Variants in PDGFD observed in about 807,000 individuals in gnomAD.
The protein encoded by PDGFD is platelet derived growth factor D.
Under a neutral mutation model 44.7 loss-of-function variants are expected in PDGFD, and 30 were observed. The ratio of observed to expected loss-of-function variants is 0.67; its 90% CI spans 0.50 to 0.91. The LOEUF (loss-of-function observed/expected upper bound fraction) is 0.91, where lower values mean the gene tolerates loss of function less well. Among genes scored for constraint, PDGFD ranks in the 40% least tolerant of loss-of-function variants. The probability of loss-of-function intolerance (pLI) is 0.00; values close to 1 mark genes in which losing one functional copy is unlikely to be tolerated. For synonymous variants in PDGFD, 173 were observed against 168.4 expected (o/e 1.03, Z -0.21); for missense variants, 445 against 457.8 (o/e 0.97, Z 0.25).
At chr11:104,012,549 T>C (rs1859799385) in intron 1 of PDGFD, among the ~76,000 whole-genome samples, 1 of 152,244 alleles carries the variant, frequency 6.6e-6, no homozygotes, top group African/African-American at 2.4e-5. Context: ...ACAAGCTTTT[T>C]GTTTTCTTGT....
intron 1 of PDGFD, among the ~76,000 whole-genome samples, chr11:104,009,222 T>C (rs1291316050): frequency 1.3e-5 from 2 of 151,988 alleles, no homozygotes; most frequent in African/African-American, 2.4e-5. Flanking sequence ...CTTTAAGAAG[T>C]TGTGACTCTG....
intron 1 of PDGFD, among the ~76,000 whole-genome samples, chr11:104,077,101 T>C (rs1565328020): frequency 6.6e-6 from 1 of 152,184 alleles, no homozygotes; most frequent in Non-Finnish European, 1.5e-5. Flanking sequence ...GATTTCTGAG[T>C]GCACGAGGGT....
chr11:103,977,824 T>C (rs1042067467), intron 3 of PDGFD, among the ~76,000 whole-genome samples: 3 of 152,082 alleles, frequency 2.0e-5, no homozygotes, highest in East Asian at 1.9e-4. Flanking sequence ...TGTACAGAGA[T>C]GCTTTTTCTT....
chr11:103,993,805 T>C (rs946630719), intron 3 of PDGFD, among the ~76,000 whole-genome samples: 1 of 152,202 alleles, frequency 6.6e-6, no homozygotes, highest in Non-Finnish European at 1.5e-5. Flanking sequence ...ACTTTGGCTT[T>C]AGTGGGCCAT....
chr11:104,003,718 T>C (rs1413404153), intron 1 of PDGFD, among the ~76,000 whole-genome samples: 1 of 152,140 alleles, frequency 6.6e-6, no homozygotes, highest in Non-Finnish European at 1.5e-5. Flanking sequence ...GGCTTTGGGG[T>C]TACAGAGCTA....
At chr11:104,056,595 G>A (rs887778812) in intron 1 of PDGFD, among the ~76,000 whole-genome samples, 2 of 152,088 alleles carry the variant, frequency 1.3e-5, no homozygotes, top group Non-Finnish European at 2.9e-5. Flanking sequence ...GGATTCCTGA[G>A]AGTTAGAAGC....
Position 104,031,245 on chromosome 11 carries a change from G to C in PDGFD, c.125-30990C>G, listed in dbSNP as rs373357795. On this transcript the variant is annotated intron_variant, in intron 1 of 6. Transcript: ENST00000393158. ...GAGAAATTGTGCAGTCTAAACATCTGACAAAGGTCTAATATCCAGGATCTA... is the reference window on the plus strand; with the variant it reads ...GAGAAATTGTGCAGTCTAAACATCTCACAAAGGTCTAATATCCAGGATCTA... Among the ~76,000 whole-genome samples, 27 of 152,224 alleles carry C rather than the reference G, an allele frequency of 1.8e-4. No individual in the cohort carries two copies. The South Asian group carries it at 5.6e-3, about 32-fold the overall frequency.
At chr11:104,108,634 A>T (rs1390118237) in intron 1 of PDGFD, among the ~76,000 whole-genome samples, 1 of 152,178 alleles carries the variant, frequency 6.6e-6, no homozygotes, top group Non-Finnish European at 1.5e-5. Context: ...ACTGTAGAAG[A>T]CAGTGTGGCG....
At position 104,037,182 on chromosome 11, in the gene PDGFD, C is replaced by T. The variant is rs371991540; in HGVS notation, c.125-36927G>A. On this transcript the variant is annotated intron_variant, in intron 1 of 6. Transcript: ENST00000393158. ...CTGGACAGCAGCAGCAGCGCACACC[C>T]GCTGCCCAGCGGTCACAGGGCTTGG... 11 of 1,613,504 alleles carry T rather than the reference C, an allele frequency of 6.8e-6. No individual in the cohort carries two copies. The Middle Eastern group carries it at 4.9e-4, about 72-fold the overall frequency.
rs143838569 is a variant in PDGFD at position 103,913,157 on chromosome 11, G to A, written c.988-3338C>T. Among the ~76,000 whole-genome samples the A allele has an allele frequency of 7.6e-5, 11 of 144,294 alleles. No individual in the cohort carries two copies. In the East Asian group the frequency reaches 2.1e-3, roughly 28 times the overall value. 94.7% of individuals were successfully genotyped at this position (144,294 alleles called of 152,430 possible). ...AGCTCTGGACCAAGCGGACCTAATA[G>A]ATATCTACAGAACTCCCCACCCCAA... is the stretch of plus-strand genomic sequence containing the variant. On this transcript the variant is annotated intron_variant, in intron 6 of 6. Coordinates refer to ENST00000393158, the MANE Select transcript of PDGFD (RefSeq NM_025208.5).
intron 1 of PDGFD, among the ~76,000 whole-genome samples, chr11:104,010,865 C>T (rs1319337377): frequency 6.6e-6 from 1 of 151,952 alleles, no homozygotes; most frequent in African/African-American, 2.4e-5. Context: ...TCTAAGGCTC[C>T]TGAATAGAGA....
At chr11:104,048,202 T>A (rs890577583) in intron 1 of PDGFD, among the ~76,000 whole-genome samples, 1 of 152,108 alleles carries the variant, frequency 6.6e-6, no homozygotes, top group Non-Finnish European at 1.5e-5. Context: ...GGAGACCATG[T>A]CTTCATTTTG....
intron 3 of PDGFD, among the ~76,000 whole-genome samples, chr11:103,965,604 G>A (rs1336197625): frequency 6.6e-6 from 1 of 152,196 alleles, no homozygotes; most frequent in Non-Finnish European, 1.5e-5. Flanking sequence ...TTGTTTACAT[G>A]TAGAAAAGAG....
chr11:104,041,702 G>T (rs948511076), intron 1 of PDGFD, among the ~76,000 whole-genome samples: 1 of 152,146 alleles, frequency 6.6e-6, no homozygotes, highest in African/African-American at 2.4e-5. Context: ...AGATTCTGCT[G>T]CAGTTAAACC....
At chr11:103,970,829 A>G (rs916102982) in intron 3 of PDGFD, among the ~76,000 whole-genome samples, 2 of 152,138 alleles carry the variant, frequency 1.3e-5, no homozygotes, top group Non-Finnish European at 2.9e-5. Context: ...AAGAGAAGAG[A>G]ATATGTAGGC....
At chr11:104,079,452 A>G (rs1367465777) in intron 1 of PDGFD, among the ~76,000 whole-genome samples, 1 of 151,946 alleles carries the variant, frequency 6.6e-6, no homozygotes, top group Non-Finnish European at 1.5e-5. Context: ...CAGTGGTAAG[A>G]TCTCGGCTCA....
At chr11:103,991,804 ATTTAAT>A (rs1859457436) in intron 3 of PDGFD, among the ~76,000 whole-genome samples, 1 of 152,218 alleles carries the variant, frequency 6.6e-6, no homozygotes, top group African/African-American at 2.4e-5. Flanking sequence ...AAGTTATCTA[ATTTAAT>A]CCTCAAAACA....
intron 1 of PDGFD, chr11:104,036,847 CG>C (rs1318309166): frequency 6.2e-7 from 1 of 1,614,000 alleles, no homozygotes; most frequent in African/African-American, 1.3e-5. Context: ...GTACTGCGTG[CG>C]GAGGGACCTC....
chr11:104,163,351 C>T (rs1353139550), intron 1 of PDGFD, among the ~76,000 whole-genome samples: 2 of 152,004 alleles, frequency 1.3e-5, no homozygotes, highest in Non-Finnish European at 2.9e-5. Context: ...TCCTCTCACT[C>T]GTAAAAATAA....
Sources: allele counts gnomAD v4.1 joint callset (sites outside exome capture counted in the v4.1 genomes callset), GRCh38; gene constraint gnomAD v4.1.1; transcripts MANE v1.5; gene names NCBI Gene and HGNC (gene_info 2026-07-23, HGNC 2026-07-21).